GRIP1: variants seen among roughly 807,000 people sequenced by gnomAD.
GRIP1 encodes glutamate receptor interacting protein 1, also known as glutamate receptor-interacting protein 1.
In GRIP1, 45 loss-of-function variants were observed where a neutral mutation model predicts 129.9. The ratio of observed to expected loss-of-function variants is 0.35; its 90% CI spans 0.27 to 0.44. GRIP1 has a LOEUF of 0.44. Ranked by LOEUF, GRIP1 falls within the 20% of genes least tolerant of loss-of-function variation. The pLI, the probability that GRIP1 is intolerant of heterozygous loss-of-function variation, is 1.00. For missense variants in GRIP1, 1,196 were observed against 1,396.8 expected (o/e 0.86, Z 2.29); for synonymous variants, 530 against 520.8 (o/e 1.02, Z -0.24).
intron 1 of GRIP1, among the ~76,000 whole-genome samples, chr12:66,833,385 C>T (rs1249882297): frequency 6.6e-6 from 1 of 152,188 alleles, no homozygotes; most frequent in African/African-American, 2.4e-5. Context: ...AGAAAGTCCC[C>T]ACCATTCCCC....
Position 66,450,220 on chromosome 12 carries a change from C to T in GRIP1, c.1355-4712G>A, listed in dbSNP as rs574051727. 3.5e-3 allele frequency among the ~76,000 whole-genome samples: 467 copies of T among 135,316 alleles called. 3 individuals carry two copies. The highest frequency in any genetic ancestry group is 0.012 in the African/African-American group (443 of 36,506). The allele number at this position is 135,316 out of a possible 152,430, so 88.8% of individuals were successfully genotyped here. On this transcript the variant is annotated intron_variant, in intron 11 of 24. Transcript: ENST00000359742. Reference sequence around the variant, plus strand: ...TCGGGAGGCTGAGGCAGCAGAATGGCGTGAACCCGGGAGGCGGAGCTTGCA... The same window carrying T: ...TCGGGAGGCTGAGGCAGCAGAATGGTGTGAACCCGGGAGGCGGAGCTTGCA...
intron 2 of GRIP1, among the ~76,000 whole-genome samples, chr12:66,551,666 T>C (rs908892314): frequency 1.3e-5 from 2 of 151,738 alleles, no homozygotes; most frequent in Admixed American, 6.6e-5. Flanking sequence ...CTTAACTTAT[T>C]GGGCTCAAGG....
intron 9 of GRIP1, among the ~76,000 whole-genome samples, chr12:66,460,518 A>C (rs959092203): frequency 1.3e-5 from 2 of 152,168 alleles, no homozygotes; most frequent in African/African-American, 4.8e-5. Context: ...CAATCCAATT[A>C]TGTCTCCTGA....
chr12:66,742,567 C>T (rs1345649617), intron 1 of GRIP1, among the ~76,000 whole-genome samples: 1 of 152,018 alleles, frequency 6.6e-6, no homozygotes, highest in African/African-American at 2.4e-5. Flanking sequence ...CAGATTTACA[C>T]TATTTGGATA....
chr12:66,925,739 G>A (rs1057459293), intron 1 of GRIP1, among the ~76,000 whole-genome samples: 5 of 152,038 alleles, frequency 3.3e-5, no homozygotes, highest in Non-Finnish European at 5.9e-5. Context: ...CCACCTCCCC[G>A]GTTCAAGGGA....
intron 23 of GRIP1, among the ~76,000 whole-genome samples, chr12:66,370,670 ACAT>A (rs1373108553): frequency 1.3e-5 from 2 of 152,216 alleles, no homozygotes; most frequent in Non-Finnish European, 2.9e-5. Flanking sequence ...ACCATTTTAT[ACAT>A]CCTTTTATAT....
intron 13 of GRIP1, among the ~76,000 whole-genome samples, chr12:66,444,347 G>T (rs537393856): frequency 6.6e-6 from 1 of 151,266 alleles, no homozygotes. Flanking sequence ...TTAGCCGGGC[G>T]CGGTGGCGGG....
chr12:66,928,468 G>C (rs908181023), intron 1 of GRIP1, among the ~76,000 whole-genome samples: 1 of 152,018 alleles, frequency 6.6e-6, no homozygotes, highest in Non-Finnish European at 1.5e-5. Flanking sequence ...GAATTGACCA[G>C]GAGTTTCCTT....
intron 1 of GRIP1, among the ~76,000 whole-genome samples, chr12:67,038,018 C>G (rs2043124029): frequency 6.6e-6 from 1 of 152,172 alleles, no homozygotes. Context: ...TTCAAATATT[C>G]AAGCTGATGA....
At chr12:66,986,750 G>A (rs2042318085) in intron 1 of GRIP1, among the ~76,000 whole-genome samples, 1 of 148,172 alleles carries the variant, frequency 6.7e-6, no homozygotes, top group Non-Finnish European at 1.5e-5. Flanking sequence ...AATGGGTACA[G>A]CACACCAGCA....
intron 1 of GRIP1, among the ~76,000 whole-genome samples, chr12:66,962,483 G>A (rs2041935921): frequency 6.6e-6 from 1 of 152,076 alleles, no homozygotes; most frequent in Non-Finnish European, 1.5e-5. Context: ...GTGCGACTTA[G>A]ACTAAATAAT....
At chr12:66,519,113 A>T (rs1007753325) in intron 5 of GRIP1, among the ~76,000 whole-genome samples, 2 of 152,370 alleles carry the variant, frequency 1.3e-5, no homozygotes, top group African/African-American at 4.8e-5. Context: ...GCATAGGCCG[A>T]AAGGTCAACT....
chr12:66,645,899 A>T (rs2032323850), intron 1 of GRIP1, among the ~76,000 whole-genome samples: 1 of 152,212 alleles, frequency 6.6e-6, no homozygotes, highest in Non-Finnish European at 1.5e-5. Flanking sequence ...AGTGAAAATC[A>T]TCAATGTAAG....
chr12:66,762,257 CA>C (rs1185536064), intron 1 of GRIP1, among the ~76,000 whole-genome samples: 2 of 152,258 alleles, frequency 1.3e-5, no homozygotes, highest in Admixed American at 1.3e-4. Flanking sequence ...TAACTGTCAA[CA>C]AGGAGATTCT....
chr12:66,975,255 C>A (rs2042134836), intron 1 of GRIP1, among the ~76,000 whole-genome samples: 1 of 152,148 alleles, frequency 6.6e-6, no homozygotes, highest in African/African-American at 2.4e-5. Context: ...GAAGGAGAAA[C>A]AGCATGTAAA....
chr12:66,591,887 A>C (rs2063860145), intron 2 of GRIP1, among the ~76,000 whole-genome samples: 2 of 152,098 alleles, frequency 1.3e-5, no homozygotes, highest in Non-Finnish European at 2.9e-5. Flanking sequence ...GGCCTCCCAA[A>C]GTTCTGGGAT....
At chr12:66,750,424 G>A (rs1481247594) in intron 1 of GRIP1, among the ~76,000 whole-genome samples, 1 of 152,128 alleles carries the variant, frequency 6.6e-6, no homozygotes, top group Non-Finnish European at 1.5e-5. Flanking sequence ...GTCAGTGCTT[G>A]GTACCTGAGA....
At chr12:66,806,068 T>C (rs1480012525), upstream of GRIP1, among the ~76,000 whole-genome samples, 1 of 151,330 alleles carries the variant, frequency 6.6e-6, no homozygotes, top group African/African-American at 2.4e-5. Context: ...GAATGAGAAA[T>C]TTGAAGATCT....
chr12:66,489,431 A>C (rs542209911), intron 7 of GRIP1, among the ~76,000 whole-genome samples: 16 of 152,302 alleles, frequency 1.1e-4, no homozygotes, highest in African/African-American at 3.8e-4. Flanking sequence ...CATGCTAAAA[A>C]TTCTCAATAA....
Sources: allele counts gnomAD v4.1 joint callset (sites outside exome capture counted in the v4.1 genomes callset), GRCh38; gene constraint gnomAD v4.1.1; transcripts MANE v1.5; gene names NCBI Gene and HGNC (gene_info 2026-07-23, HGNC 2026-07-21).